Variants in AGPAT4 observed in about 807,000 individuals in gnomAD.
AGPAT4 encodes 1-acyl-sn-glycerol-3-phosphate acyltransferase delta.
In AGPAT4, 15 loss-of-function variants were observed where a neutral mutation model predicts 48.0. The observed-to-expected ratio is 0.31, with a 90% confidence interval of 0.21 to 0.48. AGPAT4 has a LOEUF of 0.48. Among genes scored for constraint, AGPAT4 ranks in the 20% least tolerant of loss-of-function variants. The pLI, the probability that AGPAT4 is intolerant of heterozygous loss-of-function variation, is 0.99. For synonymous variants in AGPAT4, 178 were observed against 198.7 expected (o/e 0.90, Z 0.88); for missense variants, 314 against 482.5 (o/e 0.65, Z 3.27).
rs143622933 is a variant in AGPAT4, at chr6:161,269,342, T to C, written c.-90+4596A>G. On this transcript the variant is annotated intron_variant, in intron 1 of 8. Coordinates refer to ENST00000320285, the MANE Select transcript of AGPAT4 (RefSeq NM_020133.3). Reference sequence around the variant, plus strand: ...ACCAGCATGGAAGGTACAAAAAATATATAAAATGGACAACAGTCAACAGCT... The same window carrying C: ...ACCAGCATGGAAGGTACAAAAAATACATAAAATGGACAACAGTCAACAGCT... 2.9e-3 allele frequency among the ~76,000 whole-genome samples: 437 copies of C among 152,340 alleles called. 2 individuals are homozygous for C. Among genetic ancestry groups the C allele is most frequent in the African/African-American group, 9.7e-3 (403 of 41,578 alleles).
intron 3 of AGPAT4, chr6:161,160,913 C>A (rs1249104761): frequency 2.3e-6 from 1 of 431,294 alleles, no homozygotes; most frequent in Non-Finnish European, 4.7e-6. Context: ...GTAATAGGAG[C>A]GATTGGCCTC....
Position 161,161,437 on chromosome 6 carries a change from T to C in AGPAT4, c.348+4811A>G, listed in dbSNP as rs1562318503. On this transcript the variant is annotated intron_variant, in intron 3 of 8. Coordinates refer to ENST00000320285, the MANE Select transcript of AGPAT4 (RefSeq NM_020133.3). The surrounding 1 kb of genome is among the most constrained non-coding windows in gnomAD (Gnocchi z 4.6). ...CACACTTGCCAAACCCAGTGAATGG[T>C]AAGAGGCAGAGGGTGGCGTCCCAGC... 2.2e-6 allele frequency: 1 copy of C among 456,536 alleles called. No individual in the cohort carries two copies. Among genetic ancestry groups the C allele is most frequent in the African/African-American group, 2.0e-5 (1 of 50,040 alleles). 28.3% of individuals were successfully genotyped at this position (456,536 alleles called of 1,614,324 possible). A position where few individuals can be genotyped will look rare whatever the true frequency, so the allele number is the denominator to read the frequency against.
Position 161,232,146 on chromosome 6 carries a change from GCAATAAAGACGT to G in AGPAT4, c.56_67del (p.Tyr19_Ala23delinsSer). The stretch of plus-strand genomic sequence containing the variant: ...AATGGTGTTGATGATTAGCCCTGAG[GCAATAAAGACGT>G]AGCAGAAGACCAGGTGGCACAGGAA... On this transcript the variant is annotated inframe_deletion, in exon 2 of 9. Coordinates refer to ENST00000320285, the MANE Select transcript of AGPAT4 (RefSeq NM_020133.3). This position sits in a 1 kb window ranked among gnomAD's most constrained non-coding sequence, Gnocchi z 6.8. 6.2e-7 allele frequency: 1 copy of G among 1,614,138 alleles called. No individual in the cohort carries two copies. The highest frequency in any genetic ancestry group is 1.1e-5 in the South Asian group (1 of 91,080).
Position 161,232,126 on chromosome 6 carries a change from T to G in AGPAT4, c.88A>C (p.Thr30Pro). 1 of 1,613,960 alleles carries G rather than the reference T, an allele frequency of 6.2e-7. No homozygotes were observed. Among genetic ancestry groups the G allele is most frequent in the Non-Finnish European group, 8.5e-7 (1 of 1,179,994 alleles). ...AGGAGGAGAGTGAAGAGCTGAATGG[T>G]GTTGATGATTAGCCCTGAGGCAATA... ...VFIASGLIIN[T>P]IQLFTLLLWP... The change falls in exon 2 of 9, where the codon ACC becomes CCC. Residue 30 changes from threonine to proline, a missense_variant. Thr to Pro is a conservative substitution (Grantham distance 38). Transcript: ENST00000320285. The surrounding 1 kb of genome is among the most constrained non-coding windows in gnomAD (Gnocchi z 6.8).
At position 161,259,764 on chromosome 6, in the gene AGPAT4, G is replaced by A. The variant is rs923449916; in HGVS notation, c.-90+14174C>T. Among the ~76,000 whole-genome samples, 2 of 152,100 alleles carry A rather than the reference G, an allele frequency of 1.3e-5. No homozygotes were observed. Among genetic ancestry groups the A allele is most frequent in the African/African-American group, 2.4e-5 (1 of 41,420 alleles). On this transcript the variant is annotated intron_variant, in intron 1 of 8. Coordinates refer to ENST00000320285, the MANE Select transcript of AGPAT4 (RefSeq NM_020133.3). This position sits in a 1 kb window ranked among gnomAD's most constrained non-coding sequence, Gnocchi z 4.9. ...ACCAACAGGGCAACTCCTCAAATGT[G>A]ACCAAGGAAGAGAGTTAAGAACTGC... is the stretch of plus-strand genomic sequence containing the variant.
In AGPAT4 at chr6:161,225,474, G is replaced by A. The variant is rs112275849; in HGVS notation, c.178+6562C>T. 2.6e-5 allele frequency among the ~76,000 whole-genome samples: 4 copies of A among 152,164 alleles called. No homozygotes were observed. The highest frequency in any genetic ancestry group is 2.0e-4 in the Admixed American group (3 of 15,282). Reference sequence around the variant, plus strand: ...GAATTAAAAAGAAAATTTTATATTCGAGTGCTATTTCTTTTGCAGCACCGA... The same window carrying A: ...GAATTAAAAAGAAAATTTTATATTCAAGTGCTATTTCTTTTGCAGCACCGA... On this transcript the variant is annotated intron_variant, in intron 2 of 8. Coordinates refer to ENST00000320285, the MANE Select transcript of AGPAT4 (RefSeq NM_020133.3). The surrounding 1 kb of genome is among the most constrained non-coding windows in gnomAD (Gnocchi z 5.0).
rs944562194 is a variant in AGPAT4, at chr6:161,131,207, T to C, written c.*5333A>G. 5 of 254,078 alleles carry C rather than the reference T, an allele frequency of 2.0e-5. No homozygotes were observed. The highest frequency in any genetic ancestry group is 4.0e-5 in the Non-Finnish European group (5 of 125,046). 15.7% of individuals were successfully genotyped at this position (254,078 alleles called of 1,614,324 possible). ...ATGACTCTTACCCAGTGAAAAGCTT[T>C]ACTAACACAGCCCTGGGTGCTATTT... On this transcript the variant is annotated 3_prime_UTR_variant, in exon 9 of 9. Transcript: ENST00000320285.
At position 161,236,274 on chromosome 6, in the gene AGPAT4, A is replaced by C. The variant is rs1195380940; in HGVS notation, c.-89-3972T>G. On this transcript the variant is annotated intron_variant, in intron 1 of 8. Coordinates refer to ENST00000320285, the MANE Select transcript of AGPAT4 (RefSeq NM_020133.3). The surrounding 1 kb of genome is among the most constrained non-coding windows in gnomAD (Gnocchi z 5.0). ...TGCTGCTATGCCATATTTCTGCGAA[A>C]AAAAAAAAGATGTTTCTTACTATCA... 6.6e-6 allele frequency among the ~76,000 whole-genome samples: 1 copy of C among 152,140 alleles called. No individual in the cohort carries two copies. The highest frequency in any genetic ancestry group is 2.4e-5 in the African/African-American group (1 of 41,422).
In AGPAT4 at chr6:161,220,283, G is replaced by T. The variant is rs1781798420; in HGVS notation, c.178+11753C>A. On this transcript the variant is annotated intron_variant, in intron 2 of 8. Transcript: ENST00000320285. This position sits in a 1 kb window ranked among gnomAD's most constrained non-coding sequence, Gnocchi z 6.0. ...TAAACAAAAATGTGTTGGCATGAAGGGTTCATTTTGGAATAAGCATCATAT... is the reference window on the plus strand; with the variant it reads ...TAAACAAAAATGTGTTGGCATGAAGTGTTCATTTTGGAATAAGCATCATAT... 6.6e-6 allele frequency among the ~76,000 whole-genome samples: 1 copy of T among 152,232 alleles called. No homozygotes were observed. The highest frequency in any genetic ancestry group is 2.1e-4 in the South Asian group (1 of 4,818).
intron 2 of AGPAT4, among the ~76,000 whole-genome samples, chr6:161,230,852 T>C (rs889184587): frequency 3.9e-5 from 6 of 152,256 alleles, no homozygotes; most frequent in African/African-American, 1.4e-4. Flanking sequence ...TGGAAGCTCT[T>C]GCACTCAAAC....
rs1177248051 is a variant in AGPAT4, at chr6:161,138,860, G to A, written c.1042+562C>T. The stretch of plus-strand genomic sequence containing the variant: ...GACAGGCTGCCCCGCCAGAGGCAAG[G>A]AGCAGGGTGCACAGGGGCTTGCCAC... On this transcript the variant is annotated intron_variant, in intron 8 of 8. Coordinates refer to ENST00000320285, the MANE Select transcript of AGPAT4 (RefSeq NM_020133.3). This position sits in a 1 kb window ranked among gnomAD's most constrained non-coding sequence, Gnocchi z 4.8. Among the ~76,000 whole-genome samples the A allele has an allele frequency of 2.0e-5, 3 of 152,120 alleles. No individual in the cohort carries two copies. Among genetic ancestry groups the A allele is most frequent in the Non-Finnish European group, 2.9e-5 (2 of 68,016 alleles).
rs1311080583 is a variant in AGPAT4, at chr6:161,184,958, A to G, written c.179-18541T>C. On this transcript the variant is annotated intron_variant, in intron 2 of 8. Coordinates refer to ENST00000320285, the MANE Select transcript of AGPAT4 (RefSeq NM_020133.3). The surrounding 1 kb of genome is among the most constrained non-coding windows in gnomAD (Gnocchi z 4.8). Reference sequence around the variant, plus strand: ...GAGTAGGTTAAACGCCCTCACGATGAGCACCCACACACCCAGAGCACAGGA... The same window carrying G: ...GAGTAGGTTAAACGCCCTCACGATGGGCACCCACACACCCAGAGCACAGGA... Among the ~76,000 whole-genome samples the G allele has an allele frequency of 1.3e-5, 2 of 152,102 alleles. No individual in the cohort carries two copies. Among genetic ancestry groups the G allele is most frequent in the Non-Finnish European group, 2.9e-5 (2 of 68,024 alleles).
At chr6:161,268,780 G>GTCTATATAATT (rs1554243973) in intron 1 of AGPAT4, among the ~76,000 whole-genome samples, 1 of 151,752 alleles carries the variant, frequency 6.6e-6, no homozygotes, top group Non-Finnish European at 1.5e-5. Flanking sequence ...TTGTCATGTT[G>GTCTATATAATT]TCCATATAAT....
intron 2 of AGPAT4, among the ~76,000 whole-genome samples, chr6:161,174,331 G>A (rs1780365178): frequency 1.3e-5 from 2 of 152,124 alleles, no homozygotes; most frequent in African/African-American, 2.4e-5. Flanking sequence ...TTGAGCAGTG[G>A]TTTGTAGTTC....
rs1185387859 is a variant in AGPAT4 at position 161,148,577 on chromosome 6, C to T, written c.767+610G>A. 6.6e-6 allele frequency among the ~76,000 whole-genome samples: 1 copy of T among 152,292 alleles called. No homozygotes were observed. Among genetic ancestry groups the T allele is most frequent in the African/African-American group, 2.4e-5 (1 of 41,578 alleles). ...TGATCCACAGCACAACAAACCAATA[C>T]GGTCCCTGACCCGTCACACTGGGTT... On this transcript the variant is annotated intron_variant, in intron 6 of 8. Coordinates refer to ENST00000320285, the MANE Select transcript of AGPAT4 (RefSeq NM_020133.3). The surrounding 1 kb of genome is among the most constrained non-coding windows in gnomAD (Gnocchi z 5.5).
rs550570158 is a variant in AGPAT4, at chr6:161,237,477, G to C, written c.-89-5175C>G. Among the ~76,000 whole-genome samples, 8 of 152,316 alleles carry C rather than the reference G, an allele frequency of 5.3e-5. No individual in the cohort carries two copies. The East Asian group carries it at 1.3e-3, about 26-fold the overall frequency. On this transcript the variant is annotated intron_variant, in intron 1 of 8. Transcript: ENST00000320285. ...GAGTCATTCGTATAAGGATGGGAGA[G>C]ACAAAGGGGGTTAAATACATAGGGG...
chr6:161,245,001 C>A lies in AGPAT4; in HGVS notation c.-89-12699G>T, dbSNP rs1029678452. 2.0e-5 allele frequency among the ~76,000 whole-genome samples: 3 copies of A among 152,252 alleles called. No homozygotes were observed. Among genetic ancestry groups the A allele is most frequent in the Admixed American group, 2.0e-4 (3 of 15,288 alleles). On this transcript the variant is annotated intron_variant, in intron 1 of 8. Coordinates refer to ENST00000320285, the MANE Select transcript of AGPAT4 (RefSeq NM_020133.3). The surrounding 1 kb of genome is among the most constrained non-coding windows in gnomAD (Gnocchi z 5.2). ...CAAAACACGTGGGCATGAGAACTCTCCTGCAAATGCTAACTTAATTTCGCA... is the reference window on the plus strand; with the variant it reads ...CAAAACACGTGGGCATGAGAACTCTACTGCAAATGCTAACTTAATTTCGCA...
chr6:161,168,465 C>T (rs1780171359), intron 2 of AGPAT4, among the ~76,000 whole-genome samples: 1 of 152,104 alleles, frequency 6.6e-6, no homozygotes, highest in African/African-American at 2.4e-5. Flanking sequence ...CCCCAGTACC[C>T]TCCACAGCCC....
At chr6:161,162,831 C>T (rs936199475) in intron 3 of AGPAT4, among the ~76,000 whole-genome samples, 3 of 152,244 alleles carry the variant, frequency 2.0e-5, no homozygotes, top group Non-Finnish European at 4.4e-5. Flanking sequence ...CTTATGCAAC[C>T]AGCCGGGACC....
Sources: gnomAD v4.1 joint callset for allele counts (sites outside exome capture counted in the v4.1 genomes callset) on GRCh38, gnomAD v4.1.1 for gene constraint, Gnocchi (gnomAD v3.1) non-coding constraint, MANE v1.5 for transcripts, NCBI Gene and HGNC (gene_info 2026-07-23, HGNC 2026-07-21) for gene names.